GRAMD1B: variants seen among roughly 807,000 people sequenced by gnomAD.
GRAMD1B encodes GRAM domain containing 1B, also known as protein Aster-B.
A neutral mutation model predicts 99.7 loss-of-function variants in GRAMD1B; 37 were observed. That is an observed-to-expected ratio of 0.37 (90% CI 0.29 to 0.49). The LOEUF is 0.49. Ranked by LOEUF, GRAMD1B falls within the 20% of genes least tolerant of loss-of-function variation. The pLI is 0.98. For synonymous variants in GRAMD1B, 427 were observed against 387.6 expected (o/e 1.10, Z -1.19); for missense variants, 888 against 1,009.2 (o/e 0.88, Z 1.63).
At chr11:123,563,573 A>G (rs1477760184) in intron 2 of GRAMD1B, among the ~76,000 whole-genome samples, 2 of 150,278 alleles carry the variant, frequency 1.3e-5, no homozygotes, top group East Asian at 3.9e-4. Flanking sequence ...GTGCAGTGGC[A>G]TGATGTCGGC....
intron 1 of GRAMD1B, among the ~76,000 whole-genome samples, chr11:123,363,932 C>A (rs999952684): frequency 1.3e-5 from 2 of 152,118 alleles, no homozygotes; most frequent in African/African-American, 4.8e-5. Context: ...ACATAACCAT[C>A]CTTTTGAAGG....
rs1190758674 is a variant in GRAMD1B, at chr11:123,465,293, G to A, written c.375-15523G>A. On this transcript the variant is annotated intron_variant, in intron 1 of 19. Coordinates refer to ENST00000635736, the MANE Select transcript of GRAMD1B (RefSeq NM_001387025.1). ...AGTCGATGGCTCCTTAGAGAGAGGA[G>A]TTCCTTTAGGTGTTTTCGCATTTCC... Among the ~76,000 whole-genome samples the A allele has an allele frequency of 2.0e-5, 3 of 152,124 alleles. 1 individual carries two copies. The highest frequency in any genetic ancestry group is 2.9e-5 in the Non-Finnish European group (2 of 68,028).
intron 3 of GRAMD1B, among the ~76,000 whole-genome samples, chr11:123,582,043 G>A (rs1396484939): frequency 6.6e-6 from 1 of 152,258 alleles, no homozygotes; most frequent in Non-Finnish European, 1.5e-5. Flanking sequence ...GAGCTTGGGA[G>A]ATGGTTTCTC....
At chr11:123,472,519 C>T (rs1951066709) in intron 1 of GRAMD1B, among the ~76,000 whole-genome samples, 1 of 152,116 alleles carries the variant, frequency 6.6e-6, no homozygotes, top group Non-Finnish European at 1.5e-5. Context: ...GACACAGACA[C>T]ACATGAGGAG....
At chr11:123,597,777 A>G (rs1331967782) in intron 7 of GRAMD1B, among the ~76,000 whole-genome samples, 1 of 152,216 alleles carries the variant, frequency 6.6e-6, no homozygotes, top group Non-Finnish European at 1.5e-5. Flanking sequence ...CATAAAACAC[A>G]TCTCAAACCT....
intron 1 of GRAMD1B, among the ~76,000 whole-genome samples, chr11:123,378,263 T>G (rs564769490): frequency 6.6e-6 from 1 of 152,300 alleles, no homozygotes; most frequent in Non-Finnish European, 1.5e-5. Context: ...GCCTGCATTT[T>G]TTTTACTGCC....
intron 2 of GRAMD1B, among the ~76,000 whole-genome samples, chr11:123,495,528 C>T (rs1364957630): frequency 6.6e-6 from 1 of 152,004 alleles, no homozygotes; most frequent in African/African-American, 2.4e-5. Context: ...TTTTCTGTAC[C>T]CATTGATCAG....
At chr11:123,447,640 A>G (rs7105246) in intron 1 of GRAMD1B, among the ~76,000 whole-genome samples, 26,749 of 152,178 alleles carry the variant, frequency 0.18, 2,505 homozygotes, top group African/African-American at 0.24. Context: ...TCTGGGCCTC[A>G]GTGAGATTAT....
intron 2 of GRAMD1B, among the ~76,000 whole-genome samples, chr11:123,546,954 G>C (rs943858007): frequency 6.6e-6 from 1 of 152,162 alleles, no homozygotes; most frequent in Non-Finnish European, 1.5e-5. Flanking sequence ...AGTAGGAGCA[G>C]GGCCTCAGTG....
At chr11:123,406,050 T>C (rs899433660) in intron 1 of GRAMD1B, among the ~76,000 whole-genome samples, 1 of 151,716 alleles carries the variant, frequency 6.6e-6, no homozygotes, top group Non-Finnish European at 1.5e-5. Context: ...AGTCTTGCTC[T>C]GTTGCCCAGG....
rs987939683 is a variant in GRAMD1B at position 123,603,613 on chromosome 11, G to C, written c.1166+72G>C. On this transcript the variant is annotated intron_variant, in intron 9 of 19. Coordinates refer to ENST00000635736, the MANE Select transcript of GRAMD1B (RefSeq NM_001387025.1). ...CTGCAGGAAGAACCTGCCAGGCAGA[G>C]GGAACAGCACACATGCCTGTGCAGC... 4.7e-6 allele frequency: 4 copies of C among 851,090 alleles called. No individual in the cohort carries two copies. In the Admixed American group the frequency reaches 5.5e-5, roughly 12 times the overall value. 52.7% of individuals were successfully genotyped at this position (851,090 alleles called of 1,614,324 possible). A position where few individuals can be genotyped will look rare whatever the true frequency, so the allele number is the denominator to read the frequency against.
chr11:123,366,765 T>C (rs1946333300), intron 1 of GRAMD1B, among the ~76,000 whole-genome samples: 1 of 152,264 alleles, frequency 6.6e-6, no homozygotes, highest in South Asian at 2.1e-4. Flanking sequence ...TCTTGTCTTC[T>C]ATTCTTTTCT....
At chr11:123,400,626 G>A (rs1947627014) in intron 1 of GRAMD1B, among the ~76,000 whole-genome samples, 2 of 152,166 alleles carry the variant, frequency 1.3e-5, no homozygotes, top group African/African-American at 4.8e-5. Flanking sequence ...CAGAAGTGGT[G>A]AGGGAGCTCT....
intron 2 of GRAMD1B, among the ~76,000 whole-genome samples, chr11:123,542,561 C>T (rs1944639598): frequency 6.6e-6 from 1 of 152,146 alleles, no homozygotes; most frequent in Admixed American, 6.5e-5. Context: ...GGGAGCAGAG[C>T]TTTGAAGAAA....
intron 1 of GRAMD1B, among the ~76,000 whole-genome samples, chr11:123,369,004 G>A (rs1330427357): frequency 1.3e-5 from 2 of 152,050 alleles, no homozygotes; most frequent in Non-Finnish European, 1.5e-5. Flanking sequence ...TTTCAAAAGC[G>A]GGAAATCAGG....
rs1328078214 is a variant in GRAMD1B at position 123,624,635 on chromosome 11, A to T, written c.*2040A>T. On this transcript the variant is annotated 3_prime_UTR_variant, in exon 20 of 20. Coordinates refer to ENST00000635736, the MANE Select transcript of GRAMD1B (RefSeq NM_001387025.1). ...CTCATGGGCTCTGAGCCAAAGAAGG[A>T]GGCATGGTGCAGACTGCTGGAAATC... is the stretch of plus-strand genomic sequence containing the variant. The T allele has an allele frequency of 1.3e-5, 2 of 152,220 alleles. No homozygotes were observed. The highest frequency in any genetic ancestry group is 2.9e-5 in the Non-Finnish European group (2 of 68,036). 9.4% of individuals were successfully genotyped at this position (152,220 alleles called of 1,614,324 possible).
At chr11:123,553,438 G>A (rs1024613554) in intron 2 of GRAMD1B, among the ~76,000 whole-genome samples, 2 of 152,204 alleles carry the variant, frequency 1.3e-5, no homozygotes, top group Non-Finnish European at 2.9e-5. Context: ...GTATCCATGT[G>A]TACATGATAA....
In GRAMD1B at chr11:123,413,231, T is replaced by C. The variant is rs187055256; in HGVS notation, c.-176+54432T>C. Among the ~76,000 whole-genome samples, 335 of 152,286 alleles carry C rather than the reference T, an allele frequency of 2.2e-3. 2 individuals are homozygous for C. The highest frequency in any genetic ancestry group is 7.4e-3 in the African/African-American group (308 of 41,562). The stretch of plus-strand genomic sequence containing the variant: ...ACTCTCCCTCTTATTCAAAGGTGGA[T>C]TTCCTGCTCTCCAAACCAACAATGA... On this transcript the variant is annotated intron_variant, in intron 1 of 20. Transcript: ENST00000638157.
chr11:123,533,791 A>G (rs1444177310), intron 2 of GRAMD1B, among the ~76,000 whole-genome samples: 1 of 152,234 alleles, frequency 6.6e-6, no homozygotes, highest in Non-Finnish European at 1.5e-5. Flanking sequence ...CAGATTATTC[A>G]GATTTTACAA....
Sources: gnomAD v4.1 joint callset for allele counts (sites outside exome capture counted in the v4.1 genomes callset) on GRCh38, gnomAD v4.1.1 for gene constraint, MANE v1.5 for transcripts, NCBI Gene and HGNC (gene_info 2026-07-23, HGNC 2026-07-21) for gene names.